KNDC1: variants seen among roughly 807,000 people sequenced by gnomAD.
KNDC1 encodes the protein kinase non-catalytic C-lobe domain-containing protein 1.
In KNDC1, 106 loss-of-function variants were observed where a neutral mutation model predicts 172.8. The observed-to-expected ratio is 0.61, with a 90% CI of 0.52 to 0.72. The LOEUF (loss-of-function observed/expected upper bound fraction) is 0.72, where lower values mean the gene tolerates loss of function less well. KNDC1 is among the 30% of genes least tolerant of loss of function. KNDC1 has a pLI of 0.00. For missense variants in KNDC1, 2,325 were observed against 2,394.5 expected (o/e 0.97, Z 0.61); for synonymous variants, 1,083 against 1,062.2 (o/e 1.02, Z -0.38).
Position 133,209,589 on chromosome 10 carries a change from G to GT in KNDC1, c.3795-1021dup, listed in dbSNP as rs1470597975. 6.6e-6 allele frequency among the ~76,000 whole-genome samples: 1 copy of GT among 151,974 alleles called. No individual in the cohort carries two copies. Among genetic ancestry groups the GT allele is most frequent in the Non-Finnish European group, 1.5e-5 (1 of 67,948 alleles). On this transcript the variant is annotated intron_variant, in intron 20 of 29. Coordinates refer to ENST00000304613, the MANE Select transcript of KNDC1 (RefSeq NM_152643.8). This position sits in a 1 kb window ranked among gnomAD's most constrained non-coding sequence, Gnocchi z 4.9. ...GGCTTTGTCCACGTGTGTGGCGTGC[G>GT]TGTCTGTGGTTGTACAGTTTGTGGC...
Position 133,189,829 on chromosome 10 carries a change from C to T in KNDC1, c.1575+16C>T. 6.2e-7 allele frequency: 1 copy of T among 1,604,892 alleles called. No individual in the cohort carries two copies. The highest frequency in any genetic ancestry group is 8.5e-7 in the Non-Finnish European group (1 of 1,174,394). On this transcript the variant is annotated intron_variant, in intron 9 of 29. Transcript: ENST00000304613. ...AACTGAAAAGGTACCCGGGCCCTCC[C>T]CACCCTGCCCCAGCCCTGCCCCCAG...
intron 4 of KNDC1, 119 bp from the exon 5 acceptor site, chr10:133,183,753 A>G: frequency 2.3e-6 from 2 of 878,122 alleles, no homozygotes; most frequent in Non-Finnish European, 3.5e-6. Context: ...AGGCAGGCGC[A>G]GGCAGGCTCT....
rs779963828 is a variant in KNDC1 at position 133,220,107 on chromosome 10, G to A, written c.5013G>A (p.Lys1671=). ...CCAACGGGGCCCACAGGTGGAGCAA[G>A]CTCAGGTGAGGAGGGGCTCAGGCGG... ...TMTNGAHRWS[K]LRNIAKVVSQ... Residue 1671 remains lysine, a synonymous_variant, in exon 29 of 30, where the codon AAG becomes AAA. Coordinates refer to ENST00000304613, the MANE Select transcript of KNDC1 (RefSeq NM_152643.8). 7.0e-6 allele frequency: 11 copies of A among 1,563,202 alleles called. No homozygotes were observed. The highest frequency in any genetic ancestry group is 1.7e-4 in the Middle Eastern group (1 of 5,924).
rs1845681097 is a variant in KNDC1, at chr10:133,224,549, G to C, written c.5019-110G>C. The stretch of plus-strand genomic sequence containing the variant: ...CAACCCACCCTTCAGAATTTACACG[G>C]TGAAAAGATTTAGTCCAAATGATTC... On this transcript the variant is annotated intron_variant, in intron 29 of 29. Transcript: ENST00000304613. The surrounding 1 kb of genome is among the most constrained non-coding windows in gnomAD (Gnocchi z 5.4). 1 of 760,264 alleles carries C rather than the reference G, an allele frequency of 1.3e-6. No individual in the cohort carries two copies. Among genetic ancestry groups the C allele is most frequent in the African/African-American group, 1.8e-5 (1 of 56,678 alleles). 47.1% of individuals were successfully genotyped at this position (760,264 alleles called of 1,614,324 possible). A position where few individuals can be genotyped will look rare whatever the true frequency, so the allele number is the denominator to read the frequency against.
Position 133,224,830 on chromosome 10 carries a change from C to T in KNDC1, c.5190C>T (p.Ser1730=). 3.1e-6 allele frequency: 5 copies of T among 1,614,068 alleles called. No homozygotes were observed. Among genetic ancestry groups the T allele is most frequent in the Middle Eastern group, 1.6e-4 (1 of 6,062 alleles). ...DSRANFHQVS[S]EKHSRKIQDK... The stretch of plus-strand genomic sequence containing the variant: ...GGGCCAACTTCCACCAGGTCTCCAG[C>T]GAGAAGCACTCACGGAAGATTCAGG... Residue 1730 remains serine, a synonymous_variant, in exon 30 of 30, where the codon AGC becomes AGT. Coordinates refer to ENST00000304613, the MANE Select transcript of KNDC1 (RefSeq NM_152643.8). This position sits in a 1 kb window ranked among gnomAD's most constrained non-coding sequence, Gnocchi z 5.4.
intron 1 of KNDC1, among the ~76,000 whole-genome samples, chr10:133,161,719 A>G (rs1397385500): frequency 1.3e-5 from 2 of 152,020 alleles, no homozygotes; most frequent in African/African-American, 2.4e-5. Context: ...AGCTTCCAAG[A>G]TCACCTCGGC....
chr10:133,221,839 CTGGGTGCAGCCACTCA>C (rs1845595690), intron 29 of KNDC1, among the ~76,000 whole-genome samples: 1 of 115,054 alleles, frequency 8.7e-6, no homozygotes, highest in Non-Finnish European at 1.9e-5. Context: ...GTAGGCCGGG[CTGGGTGCAGCCACTCA>C]CGCCTGTAAC....
Position 133,160,384 on chromosome 10 carries a change from TCTCCATGGAGCCAGGGCGCGC to T in KNDC1, c.-83_-63del. ...CGGGGGCGGGCGAGGGCCGGGCGCG[TCTCCATGGAGCCAGGGCGCGC>T]GTAGCCGAGCCCAGCCCAGCCCAGC... On this transcript the variant is annotated 5_prime_UTR_variant, in exon 1 of 30. An upstream start codon of the reference 5' UTR is lost. Transcript: ENST00000304613. 1 of 680,700 alleles carries T rather than the reference TCTCCATGGAGCCAGGGCGCGC, an allele frequency of 1.5e-6. No homozygotes were observed. The highest frequency in any genetic ancestry group is 2.0e-6 in the Non-Finnish European group (1 of 500,372). 42.2% of individuals were successfully genotyped at this position (680,700 alleles called of 1,614,324 possible).
At chr10:133,200,149 C>T (rs900712652) in intron 15 of KNDC1, among the ~76,000 whole-genome samples, 2 of 152,188 alleles carry the variant, frequency 1.3e-5, no homozygotes, top group African/African-American at 4.8e-5. Context: ...TCCTCGGCCC[C>T]GCAGCACTGA....
At chr10:133,168,147 G>T in intron 2 of KNDC1, 107 bp from the exon 3 acceptor site, 1 of 948,546 alleles carries the variant, frequency 1.1e-6, no homozygotes. Flanking sequence ...CCAGGTCTGC[G>T]GGGAGGGAAC....
intron 9 of KNDC1, among the ~76,000 whole-genome samples, chr10:133,191,139 G>C (rs1014963035): frequency 1.3e-5 from 2 of 152,174 alleles, no homozygotes; most frequent in African/African-American, 4.8e-5. Context: ...AGGAGTTCGA[G>C]ACCAGCCTGG....
chr10:133,182,851 T>C (rs930125759), intron 3 of KNDC1, among the ~76,000 whole-genome samples: 10 of 142,804 alleles, frequency 7.0e-5, no homozygotes, highest in African/African-American at 2.6e-4. Context: ...TGGGCGCAGG[T>C]GGTGTGGGCG....
Position 133,217,387 on chromosome 10 carries a change from C to T in KNDC1, c.4678-1444C>T, listed in dbSNP as rs1481639240. 2.0e-5 allele frequency among the ~76,000 whole-genome samples: 3 copies of T among 152,378 alleles called. No individual in the cohort carries two copies. The East Asian group carries it at 5.8e-4, about 29-fold the overall frequency. ...GCCGCAGTCGGGGTGAGCCCAGGAT[C>T]ACATGAGGCGCCTTCAGCTGCACAG... is the stretch of plus-strand genomic sequence containing the variant. On this transcript the variant is annotated intron_variant, in intron 26 of 29. Transcript: ENST00000304613.
At chr10:133,184,296 C>A (rs1020731981) in intron 5 of KNDC1, among the ~76,000 whole-genome samples, 1 of 120,906 alleles carries the variant, frequency 8.3e-6, no homozygotes, top group African/African-American at 2.6e-5. Flanking sequence ...GCACACACAC[C>A]CATGCACACA....
intron 7 of KNDC1, 75 bp from the exon 8 acceptor site, chr10:133,189,523 C>A: frequency 7.0e-7 from 1 of 1,432,010 alleles, no homozygotes; most frequent in Non-Finnish European, 9.7e-7. Flanking sequence ...ACTGAGGCTC[C>A]GCAGCTCCTT....
intron 9 of KNDC1, 89 bp downstream of exon 9, chr10:133,189,902 G>T: frequency 9.0e-7 from 1 of 1,113,538 alleles, no homozygotes; most frequent in South Asian, 1.3e-5. Context: ...CCCCCATCAG[G>T]ACTCGAGGGA....
In KNDC1 at chr10:133,210,677, C is replaced by G. The variant is rs565739921; in HGVS notation, c.3861C>G (p.His1287Gln). Residue 1287 changes from histidine (H) to glutamine (Q), a missense_variant, in exon 21 of 30, where the codon CAC becomes CAG. By Grantham distance (24) the His-to-Gln change is conservative. Coordinates refer to ENST00000304613, the MANE Select transcript of KNDC1 (RefSeq NM_152643.8). ...LYTFRYFCTP[H>Q]DFLHFLLDRI... ...CCTTCCGCTACTTCTGCACACCCCA[C>G]GACTTCCTGCACTTCCTCCTCGACC... 2.5e-6 allele frequency: 4 copies of G among 1,614,088 alleles called. No individual in the cohort carries two copies. In the South Asian group the frequency reaches 4.4e-5, roughly 18 times the overall value.
intron 10 of KNDC1, among the ~76,000 whole-genome samples, chr10:133,196,337 G>A (rs572330536): frequency 8.6e-4 from 131 of 152,028 alleles, no homozygotes; most frequent in Non-Finnish European, 1.5e-3. Flanking sequence ...ACCCGCACCC[G>A]GCATGGGGAC....
rs888941205 is a variant in KNDC1, at chr10:133,200,288, G to T, written c.2904-87G>T. ...CCTCCAGCGAGAGCTCCGCATAGAC[G>T]TGTGGGCCTGTGGGCCCCGCCCTGT... On this transcript the variant is annotated intron_variant, in intron 15 of 29. Coordinates refer to ENST00000304613, the MANE Select transcript of KNDC1 (RefSeq NM_152643.8). 2.2e-5 allele frequency: 22 copies of T among 1,001,754 alleles called. No homozygotes were observed. In the South Asian group the frequency reaches 3.6e-4, roughly 17 times the overall value. The allele number at this position is 1,001,754 out of a possible 1,614,324, so 62.1% of individuals were successfully genotyped here.
Sources: gnomAD v4.1 joint callset for allele counts (sites outside exome capture counted in the v4.1 genomes callset) on GRCh38, gnomAD v4.1.1 for gene constraint, Gnocchi (gnomAD v3.1) non-coding constraint, MANE v1.5 for transcripts, NCBI Gene and HGNC (gene_info 2026-07-23, HGNC 2026-07-21) for gene names.